DROSHA: variants seen among roughly 807,000 people sequenced by gnomAD.
DROSHA encodes ribonuclease 3.
DROSHA carries 56 observed loss-of-function variants against 181.9 expected under a neutral mutation model. That is an observed-to-expected ratio of 0.31 (90% confidence interval 0.25 to 0.38). The LOEUF (loss-of-function observed/expected upper bound fraction) is 0.38. Among genes scored for constraint, DROSHA ranks in the 10% least tolerant of loss-of-function variants. DROSHA has a pLI of 1.00. For missense variants in DROSHA, 1,218 were observed against 1,743.5 expected (o/e 0.70, Z 5.37); for synonymous variants, 524 against 591.2 (o/e 0.89, Z 1.65).
At chr5:31,474,028 C>T (rs576570826) in intron 16 of DROSHA, among the ~76,000 whole-genome samples, 3 of 152,294 alleles carry the variant, frequency 2.0e-5, no homozygotes, top group Middle Eastern at 3.4e-3. Flanking sequence ...AAGCTCTAGG[C>T]GCTCAGGAAG....
chr5:31,484,504 C>CGTGTTGT (rs369474665), intron 15 of DROSHA, among the ~76,000 whole-genome samples: 1 of 144,970 alleles, frequency 6.9e-6, no homozygotes, highest in Non-Finnish European at 1.5e-5. Flanking sequence ...TGCGTGTGTG[C>CGTGTTGT]ATGTGTGTGT....
intron 35 of DROSHA, among the ~76,000 whole-genome samples, chr5:31,405,427 GC>G (rs1740526281): frequency 1.3e-5 from 2 of 150,244 alleles, no homozygotes; most frequent in Admixed American, 6.6e-5. Flanking sequence ...CAGGTCACCC[GC>G]GCTGAGATTA....
At chr5:31,418,635 G>C (rs947188160) in intron 30 of DROSHA, among the ~76,000 whole-genome samples, 4 of 152,132 alleles carry the variant, frequency 2.6e-5, no homozygotes, top group African/African-American at 9.7e-5. Flanking sequence ...GGCAGCTAGG[G>C]AGGATGTGGG....
At chr5:31,474,336 T>C (rs1214766769) in intron 16 of DROSHA, among the ~76,000 whole-genome samples, 1 of 152,126 alleles carries the variant, frequency 6.6e-6, no homozygotes, top group Non-Finnish European at 1.5e-5. Flanking sequence ...ATGTTTGTGT[T>C]CCCCCAAATT....
chr5:31,401,397 G>T lies in DROSHA; in HGVS notation c.*35C>A. Reference sequence around the variant, plus strand: ...TCAATAGACAACAGTCACAGTTACTGAGCAAGTAAATACTCCACACTTGCA... The same window carrying T: ...TCAATAGACAACAGTCACAGTTACTTAGCAAGTAAATACTCCACACTTGCA... On this transcript the variant is annotated 3_prime_UTR_variant, in exon 36 of 36. Coordinates refer to ENST00000344624, the MANE Select transcript of DROSHA (RefSeq NM_001382508.1). 1 of 1,603,296 alleles carries T rather than the reference G, an allele frequency of 6.2e-7. No homozygotes were observed. Among genetic ancestry groups the T allele is most frequent in the South Asian group, 1.1e-5 (1 of 90,902 alleles).
intron 13 of DROSHA, among the ~76,000 whole-genome samples, chr5:31,491,931 T>C (rs1752476333): frequency 6.6e-6 from 1 of 152,084 alleles, no homozygotes; most frequent in Non-Finnish European, 1.5e-5. Context: ...AGTAGCTGGG[T>C]TTACAGACGC....
chr5:31,409,382 CAGAA>C lies in DROSHA; in HGVS notation c.3668-54_3668-51del. 1.3e-6 allele frequency: 2 copies of C among 1,535,322 alleles called. No individual in the cohort carries two copies. Among genetic ancestry groups the C allele is most frequent in the South Asian group, 1.2e-5 (1 of 82,964 alleles). Reference sequence around the variant, plus strand: ...ATAAACCACAATCACTGCCATCTATCAGAAAGAGTAAGAGACCTAGACCTTTAAG... The same window carrying C: ...ATAAACCACAATCACTGCCATCTATCAGAGTAAGAGACCTAGACCTTTAAG... On this transcript the variant is annotated intron_variant, in intron 31 of 35. Transcript: ENST00000344624. This position sits in a 1 kb window ranked among gnomAD's most constrained non-coding sequence, Gnocchi z 4.0.
rs768254802 is a variant in DROSHA at position 31,431,583 on chromosome 5, C to T, written c.3138G>A (p.Ala1046=). 12 of 1,613,660 alleles carry T rather than the reference C, an allele frequency of 7.4e-6. No homozygotes were observed. The highest frequency in any genetic ancestry group is 1.6e-4 in the Middle Eastern group (1 of 6,084). Residue 1046 remains alanine (A), a synonymous_variant, in exon 26 of 36, where the codon GCG becomes GCA. Coordinates refer to ENST00000344624, the MANE Select transcript of DROSHA (RefSeq NM_001382508.1). The stretch of plus-strand genomic sequence containing the variant: ...GAAGAAGAGAGAAATTACCTATTAA[C>T]GCTTCAAAACAATTGGCCATTGCAT... ...LRHAMANCFE[A]LIGAVYLEGS...
At chr5:31,521,030 T>C (rs1285533746) in intron 6 of DROSHA, 93 bp downstream of exon 6, 1 of 1,237,112 alleles carries the variant, frequency 8.1e-7, no homozygotes. Context: ...TCTGAGGCCA[T>C]TATGAAGACT....
intron 14 of DROSHA, 139 bp downstream of exon 14, chr5:31,486,352 C>T (rs1460312885): frequency 5.1e-6 from 4 of 787,066 alleles, no homozygotes; most frequent in Non-Finnish European, 7.8e-6. Flanking sequence ...ATTTCACTGA[C>T]TCTTTCAACA....
chr5:31,528,294 C>T (rs1290733374), intron 4 of DROSHA, among the ~76,000 whole-genome samples: 2 of 152,154 alleles, frequency 1.3e-5, no homozygotes, highest in East Asian at 3.9e-4. Flanking sequence ...CAATTACCAA[C>T]CCCATCTCTC....
chr5:31,517,971 T>A (rs1221370772), intron 6 of DROSHA, among the ~76,000 whole-genome samples: 1 of 152,180 alleles, frequency 6.6e-6, no homozygotes, highest in Non-Finnish European at 1.5e-5. Context: ...AATTATAGAT[T>A]ACAGTCATAT....
intron 16 of DROSHA, among the ~76,000 whole-genome samples, chr5:31,481,922 A>G (rs4543279): frequency 0.92 from 139,749 of 152,232 alleles, 64,519 homozygotes; most frequent in Non-Finnish European, 0.98. Context: ...ATCGGCAGCT[A>G]CAGTGGGCTA....
At chr5:31,431,782 G>A (rs1311666313) in intron 25 of DROSHA, 104 bp from the exon 26 acceptor site, 12 of 947,010 alleles carry the variant, frequency 1.3e-5, no homozygotes, top group African/African-American at 3.3e-5. Context: ...CGAGATGGGG[G>A]CAGCGTAATG....
At chr5:31,492,097 A>G (rs1752493069) in intron 13 of DROSHA, among the ~76,000 whole-genome samples, 2 of 152,208 alleles carry the variant, frequency 1.3e-5, no homozygotes, top group African/African-American at 4.8e-5. Context: ...CCCAGCCCAT[A>G]TTATTGCTTT....
intron 6 of DROSHA, among the ~76,000 whole-genome samples, chr5:31,519,484 A>G (rs941929406): frequency 2.0e-5 from 3 of 152,178 alleles, no homozygotes; most frequent in Non-Finnish European, 2.9e-5. Flanking sequence ...GTTAATGCCT[A>G]TATCACCCAT....
rs970207046 is a variant in DROSHA at position 31,509,086 on chromosome 5, G to A, written c.1433-311C>T. On this transcript the variant is annotated intron_variant, in intron 9 of 35. Coordinates refer to ENST00000344624, the MANE Select transcript of DROSHA (RefSeq NM_001382508.1). ...GAAACACCCGTCTCGGCCTCCTAAAGTGCTGGGATTATAGGCATGAGCCAC... is the reference window on the plus strand; with the variant it reads ...GAAACACCCGTCTCGGCCTCCTAAAATGCTGGGATTATAGGCATGAGCCAC... 1.2e-4 allele frequency among the ~76,000 whole-genome samples: 19 copies of A among 152,206 alleles called. No homozygotes were observed. In the East Asian group the frequency reaches 3.5e-3, roughly 28 times the overall value.
At chr5:31,503,243 C>CA (rs1222470257) in intron 11 of DROSHA, among the ~76,000 whole-genome samples, 1 of 152,184 alleles carries the variant, frequency 6.6e-6, no homozygotes, top group Non-Finnish European at 1.5e-5. Flanking sequence ...ATGAGCCCAA[C>CA]AGCATGGATC....
intron 14 of DROSHA, among the ~76,000 whole-genome samples, chr5:31,485,350 C>T (rs57499971): frequency 0.024 from 3,493 of 145,598 alleles, 147 homozygotes; most frequent in African/African-American, 0.085. Flanking sequence ...ATACATCCAG[C>T]ATAATTGTCA....
Sources: gnomAD v4.1 joint callset for allele counts (sites outside exome capture counted in the v4.1 genomes callset) on GRCh38, gnomAD v4.1.1 for gene constraint, Gnocchi (gnomAD v3.1) non-coding constraint, MANE v1.5 for transcripts, NCBI Gene and HGNC (gene_info 2026-07-23, HGNC 2026-07-21) for gene names.